Variants in MCCC2 observed in about 807,000 individuals in gnomAD.
The protein encoded by MCCC2 is methylcrotonoyl-CoA carboxylase beta chain, mitochondrial.
MCCC2 carries 52 observed loss-of-function variants against 77.2 expected under a neutral mutation model. The observed-to-expected ratio is 0.67, with a 90% CI of 0.54 to 0.85. The LOEUF (loss-of-function observed/expected upper bound fraction) is 0.85, where lower values mean the gene tolerates loss of function less well. MCCC2 is among the 40% of genes least tolerant of loss of function. MCCC2 has a pLI of 0.00. For missense variants in MCCC2, 682 were observed against 703.2 expected, an observed-to-expected ratio of 0.97 and a Z score of 0.34; for synonymous variants, 253 against 248.4, an observed-to-expected ratio of 1.02 and a Z score of -0.18.
intron 2 of MCCC2, among the ~76,000 whole-genome samples, chr5:71,594,149 G>A (rs1276016242): frequency 6.6e-6 from 1 of 152,190 alleles, no homozygotes; most frequent in African/African-American, 2.4e-5. Flanking sequence ...AAATGAAAGT[G>A]TTTTGTTAGG....
chr5:71,595,072 A>G (rs7727132), intron 2 of MCCC2, among the ~76,000 whole-genome samples: 118,667 of 148,664 alleles, frequency 0.8, 47,536 homozygotes, highest in East Asian at 0.88. Context: ...CTAATTTTTC[A>G]TATTTTTAGT....
rs527495759 is a variant in MCCC2, at chr5:71,594,586, A to G, written c.196+1594A>G. 8.7e-4 allele frequency among the ~76,000 whole-genome samples: 130 copies of G among 149,420 alleles called. 3 individuals are homozygous for G. The South Asian group carries it at 0.017, about 20-fold the overall frequency. ...ATGGAGGGTTGAGGAGTCCTGTGGC[A>G]TCAGGTGCCTGCTGGGGATGGTGGA... On this transcript the variant is annotated intron_variant, in intron 2 of 16. Coordinates refer to ENST00000340941, the MANE Select transcript of MCCC2 (RefSeq NM_022132.5).
At chr5:71,605,746 G>A (rs1232692552) in intron 6 of MCCC2, among the ~76,000 whole-genome samples, 2 of 151,924 alleles carry the variant, frequency 1.3e-5, no homozygotes, top group South Asian at 2.1e-4. Flanking sequence ...ATCTTGAATT[G>A]ATTTTTGTAT....
At chr5:71,614,954 T>A (rs1310544866) in intron 6 of MCCC2, among the ~76,000 whole-genome samples, 2 of 152,216 alleles carry the variant, frequency 1.3e-5, no homozygotes, top group Non-Finnish European at 1.5e-5. Flanking sequence ...CTTTTCTCCC[T>A]ACCTGGGTGG....
At chr5:71,628,393 A>G (rs1308427867) in intron 7 of MCCC2, among the ~76,000 whole-genome samples, 1 of 152,150 alleles carries the variant, frequency 6.6e-6, no homozygotes, top group African/African-American at 2.4e-5. Context: ...GATCACATCC[A>G]GTTTATGCAT....
intron 12 of MCCC2, among the ~76,000 whole-genome samples, 186 bp downstream of exon 12, chr5:71,644,081 GTA>G (rs1580328278): frequency 2.0e-5 from 3 of 151,538 alleles, no homozygotes; most frequent in African/African-American, 2.4e-5. Flanking sequence ...GCGCGCGTGT[GTA>G]TATATGTGCA....
chr5:71,602,887 T>C, intron 5 of MCCC2: 1 of 499,094 alleles, frequency 2.0e-6, no homozygotes, highest in Non-Finnish European at 3.5e-6. Context: ...TGTGGTTTTT[T>C]TTTTTTGTTC....
At chr5:71,606,015 T>G (rs1745660952) in intron 6 of MCCC2, among the ~76,000 whole-genome samples, 1 of 152,240 alleles carries the variant, frequency 6.6e-6, no homozygotes, top group Non-Finnish European at 1.5e-5. Flanking sequence ...GTGTGATGCC[T>G]CCAGCTTTGT....
intron 6 of MCCC2, among the ~76,000 whole-genome samples, chr5:71,615,735 C>T (rs969959578): frequency 2.6e-5 from 4 of 152,110 alleles, no homozygotes; most frequent in East Asian, 1.9e-4. Flanking sequence ...CCAGTTCCTC[C>T]GACAGAGTTC....
At chr5:71,621,162 G>C (rs1281313352) in intron 6 of MCCC2, among the ~76,000 whole-genome samples, 2 of 152,134 alleles carry the variant, frequency 1.3e-5, no homozygotes, top group Admixed American at 1.3e-4. Flanking sequence ...TGTTAATGCT[G>C]TTTGGCCCTG....
At chr5:71,623,476 C>T (rs1308779848) in intron 6 of MCCC2, among the ~76,000 whole-genome samples, 1 of 152,246 alleles carries the variant, frequency 6.6e-6, no homozygotes, top group East Asian at 1.9e-4. Flanking sequence ...CCTAGAGCAG[C>T]TCACACCATG....
intron 1 of MCCC2, among the ~76,000 whole-genome samples, chr5:71,588,181 A>C (rs980848241): frequency 6.6e-6 from 1 of 151,810 alleles, no homozygotes; most frequent in Non-Finnish European, 1.5e-5. Context: ...AGGCAGGGGA[A>C]TCGCTTGAAC....
At chr5:71,635,472 T>C (rs950586743) in intron 10 of MCCC2, 2 of 592,270 alleles carry the variant, frequency 3.4e-6, no homozygotes, top group Non-Finnish European at 6.2e-6. Flanking sequence ...GATTGGAAAG[T>C]TTTCATTGCG....
intron 2 of MCCC2, among the ~76,000 whole-genome samples, 169 bp downstream of exon 2, chr5:71,593,161 C>A (rs1368744342): frequency 6.6e-6 from 1 of 151,008 alleles, no homozygotes; most frequent in East Asian, 1.9e-4. Flanking sequence ...CATCTCAGCT[C>A]ACTGCAACCT....
chr5:71,616,164 T>C (rs1226715361), intron 6 of MCCC2, among the ~76,000 whole-genome samples: 1 of 152,210 alleles, frequency 6.6e-6, no homozygotes, highest in Admixed American at 6.5e-5. Context: ...AGACTCGCCT[T>C]ATGTATCTTT....
chr5:71,636,486 T>G (rs930938654), intron 10 of MCCC2: 1 of 154,154 alleles, frequency 6.5e-6, no homozygotes, highest in African/African-American at 2.4e-5. Context: ...GGCAGGCAGA[T>G]CCCTTGAGTC....
intron 10 of MCCC2, among the ~76,000 whole-genome samples, chr5:71,640,431 A>G (rs973918194): frequency 2.7e-5 from 4 of 145,948 alleles, no homozygotes; most frequent in African/African-American, 1.0e-4. Flanking sequence ...AAGCTTAAAG[A>G]ATTTTCTAGT....
intron 6 of MCCC2, among the ~76,000 whole-genome samples, chr5:71,607,841 G>T (rs1428866082): frequency 6.8e-6 from 1 of 146,192 alleles, no homozygotes; most frequent in Non-Finnish European, 1.5e-5. Context: ...GTACCCAGTG[G>T]TCATTCAGGA....
intron 6 of MCCC2, among the ~76,000 whole-genome samples, chr5:71,613,783 G>A (rs1221849307): frequency 1.8e-4 from 27 of 151,790 alleles, no homozygotes; most frequent in Non-Finnish European, 1.5e-5. Flanking sequence ...AGAGAAGGAA[G>A]GTGGAGTAAG....
Sources: allele counts gnomAD v4.1 joint callset (sites outside exome capture counted in the v4.1 genomes callset), GRCh38; gene constraint gnomAD v4.1.1; transcripts MANE v1.5; gene names NCBI Gene and HGNC (gene_info 2026-07-23, HGNC 2026-07-21).